The following SH3PXD2A variants were observed in gnomAD, a reference collection of about 807,000 sequenced individuals.
SH3PXD2A encodes SH3 and PX domain-containing protein 2A.
In SH3PXD2A, 32 loss-of-function variants were observed where a neutral mutation model predicts 115.2. The ratio of observed to expected loss-of-function variants is 0.28; its 90% CI spans 0.21 to 0.37. The LOEUF (loss-of-function observed/expected upper bound fraction) is 0.37, where lower values mean the gene tolerates loss of function less well. Among genes scored for constraint, SH3PXD2A ranks in the 10% least tolerant of loss-of-function variants. The pLI is 1.00. For synonymous variants in SH3PXD2A, 610 were observed against 629.1 expected (o/e 0.97, Z 0.45); for missense variants, 1,328 against 1,498.7 (o/e 0.89, Z 1.88).
rs1448293142 is a variant in SH3PXD2A at position 103,767,433 on chromosome 10, C to T, written c.154-264G>A. Among the ~76,000 whole-genome samples the T allele has an allele frequency of 4.6e-5, 7 of 152,270 alleles. No individual in the cohort carries two copies. The East Asian group carries it at 7.7e-4, about 17-fold the overall frequency. On this transcript the variant is annotated intron_variant, in intron 2 of 14. Coordinates refer to ENST00000369774, the MANE Select transcript of SH3PXD2A (RefSeq NM_001394015.1). ...AGGGGAAGGTGTCAGGAGATGACCC[C>T]GAGCAAGGCTGGGGTAGGGACCAGA...
rs575456787 is a variant in SH3PXD2A, at chr10:103,781,052, T to A, written c.154-13883A>T. On this transcript the variant is annotated intron_variant, in intron 2 of 14. Coordinates refer to ENST00000369774, the MANE Select transcript of SH3PXD2A (RefSeq NM_001394015.1). ...TCCACAGCTCCCTCCTCCCCATCACTCCTGCAGATCGGTCACACTTCTAGA... is the reference window on the plus strand; with the variant it reads ...TCCACAGCTCCCTCCTCCCCATCACACCTGCAGATCGGTCACACTTCTAGA... Among the ~76,000 whole-genome samples, 31 of 152,294 alleles carry A rather than the reference T, an allele frequency of 2.0e-4. No homozygotes were observed. In the South Asian group the frequency reaches 3.5e-3, roughly 17 times the overall value.
At chr10:103,609,507 G>A (rs1227408047) in intron 13 of SH3PXD2A, 1 of 152,260 alleles carries the variant, frequency 6.6e-6, no homozygotes, top group Non-Finnish European at 1.5e-5. Flanking sequence ...CAGCATCTAA[G>A]CATGACATTC....
chr10:103,704,391 G>C (rs2037957233), intron 5 of SH3PXD2A, among the ~76,000 whole-genome samples: 1 of 152,214 alleles, frequency 6.6e-6, no homozygotes, highest in South Asian at 2.1e-4. Flanking sequence ...GCAGGGTAAA[G>C]CCACTTTGCT....
intron 13 of SH3PXD2A, chr10:103,609,157 G>GA (rs767710953): frequency 0.026 from 2,449 of 94,946 alleles, 50 homozygotes; most frequent in African/African-American, 0.077. Context: ...CTCTGTCTCT[G>GA]AAAAAAAAAA....
chr10:103,783,998 C>G (rs2073340), intron 2 of SH3PXD2A, among the ~76,000 whole-genome samples: 108,391 of 152,168 alleles, frequency 0.71, 40,295 homozygotes, highest in South Asian at 0.85. Context: ...CAGGAAAAGT[C>G]CCCCCGCAAA....
chr10:103,650,216 G>A (rs1363361057), intron 8 of SH3PXD2A, among the ~76,000 whole-genome samples: 5 of 151,714 alleles, frequency 3.3e-5, no homozygotes, highest in Non-Finnish European at 7.4e-5. Flanking sequence ...GGAGAGCCCT[G>A]CTCCCCCTCC....
chr10:103,683,253 C>T (rs1189651357), intron 6 of SH3PXD2A, among the ~76,000 whole-genome samples: 1 of 152,128 alleles, frequency 6.6e-6, no homozygotes, highest in African/African-American at 2.4e-5. Context: ...TGGCTCACAC[C>T]TGTAATCCTA....
At chr10:103,814,194 G>C (rs991342035) in intron 1 of SH3PXD2A, among the ~76,000 whole-genome samples, 1 of 152,090 alleles carries the variant, frequency 6.6e-6, no homozygotes, top group Non-Finnish European at 1.5e-5. Context: ...AGCAAACAAG[G>C]AGACTCGAGT....
intron 1 of SH3PXD2A, among the ~76,000 whole-genome samples, chr10:103,818,581 G>A (rs572382100): frequency 6.6e-6 from 1 of 152,274 alleles, no homozygotes; most frequent in Admixed American, 6.5e-5. Context: ...CTGATGTGCA[G>A]GAAAAATTTC....
chr10:103,806,182 C>T (rs971024101), intron 1 of SH3PXD2A, among the ~76,000 whole-genome samples: 3 of 152,236 alleles, frequency 2.0e-5, no homozygotes, highest in Admixed American at 6.5e-5. Flanking sequence ...TCCCAAACTT[C>T]GGGGATTTGC....
chr10:103,739,997 G>C (rs1488778684), intron 3 of SH3PXD2A, among the ~76,000 whole-genome samples: 1 of 152,176 alleles, frequency 6.6e-6, no homozygotes, highest in Non-Finnish European at 1.5e-5. Flanking sequence ...GCTCATCGGA[G>C]GCCTGGGCTC....
In SH3PXD2A at chr10:103,602,233, G is replaced by A. The variant is rs145591733; in HGVS notation, c.2985C>T (p.Cys995=). 5.6e-6 allele frequency: 9 copies of A among 1,606,376 alleles called. No individual in the cohort carries two copies. The highest frequency in any genetic ancestry group is 2.2e-5 in the South Asian group (2 of 89,144). The part of the protein sequence containing the change: ...SPPPKDNNLS[C]ALRRNESLTA... ...TGAGTGACTCATTCCTCCGCAGGGCGCAGGACAGGTTGTTGTCCTTGGGTG... is the reference window on the plus strand; with the variant it reads ...TGAGTGACTCATTCCTCCGCAGGGCACAGGACAGGTTGTTGTCCTTGGGTG... The change falls in exon 15 of 15, where the codon TGC becomes TGT. Residue 995 remains cysteine (C), a synonymous_variant. Coordinates refer to ENST00000369774, the MANE Select transcript of SH3PXD2A (RefSeq NM_001394015.1).
intron 1 of SH3PXD2A, among the ~76,000 whole-genome samples, chr10:103,836,821 A>G (rs1384621691): frequency 1.3e-5 from 2 of 152,164 alleles, no homozygotes; most frequent in Non-Finnish European, 2.9e-5. Context: ...ATAATGTCCA[A>G]TGCTCTGCCA....
chr10:103,796,991 T>G (rs968471204), intron 2 of SH3PXD2A, among the ~76,000 whole-genome samples: 3 of 151,432 alleles, frequency 2.0e-5, no homozygotes, highest in African/African-American at 7.3e-5. Flanking sequence ...GCCTCCTGAG[T>G]AGCTGGAACT....
intron 5 of SH3PXD2A, among the ~76,000 whole-genome samples, 185 bp downstream of exon 5, chr10:103,724,085 T>A (rs1409672628): frequency 6.6e-6 from 1 of 151,980 alleles, no homozygotes; most frequent in African/African-American, 2.4e-5. Context: ...AAATGAAGAG[T>A]GGGCTCTGGC....
At chr10:103,719,299 T>C (rs560025190) in intron 5 of SH3PXD2A, among the ~76,000 whole-genome samples, 6 of 152,242 alleles carry the variant, frequency 3.9e-5, no homozygotes, top group Admixed American at 2.6e-4. Flanking sequence ...AGCTGAGTGA[T>C]GGGTTGGGTC....
chr10:103,608,967 C>G (rs1295843955), intron 13 of SH3PXD2A: 1 of 152,000 alleles, frequency 6.6e-6, no homozygotes, highest in Non-Finnish European at 1.5e-5. Flanking sequence ...TAGTGAGACC[C>G]CATTTCTACC....
At chr10:103,785,733 G>T (rs1222783143) in intron 2 of SH3PXD2A, among the ~76,000 whole-genome samples, 1 of 152,006 alleles carries the variant, frequency 6.6e-6, no homozygotes, top group Non-Finnish European at 1.5e-5. Context: ...TTCCTCCCCT[G>T]CAAGGGCTTC....
rs765769948 is a variant in SH3PXD2A, at chr10:103,603,230, G to C, written c.1988C>G (p.Pro663Arg). 1.2e-6 allele frequency: 2 copies of C among 1,613,718 alleles called. No individual in the cohort carries two copies. The highest frequency in any genetic ancestry group is 1.7e-6 in the Non-Finnish European group (2 of 1,179,760). Reference sequence around the variant, plus strand: ...GAGCTTTAGGAGTGATGATGACTTGGGGGAGCCTGATTTGGGGGAGTTTTT... The same window carrying C: ...GAGCTTTAGGAGTGATGATGACTTGCGGGAGCCTGATTTGGGGGAGTTTTT... ...TRKNSPKSGS[P>R]KSSSLLKLKA... Residue 663 changes from proline to arginine, a missense_variant, in exon 15 of 15, where the codon CCC (proline) becomes CGC (arginine). Around this residue, in one of 5 missense-constraint regions of SH3PXD2A, gnomAD observed 574 missense variants for 565.7 expected, o/e 1.01. Transcript: ENST00000369774.
Sources: allele counts gnomAD v4.1 joint callset (sites outside exome capture counted in the v4.1 genomes callset), GRCh38; gene constraint gnomAD v4.1.1; regional missense constraint gnomAD v4.1.1; transcripts MANE v1.5; gene names NCBI Gene and HGNC (gene_info 2026-07-23, HGNC 2026-07-21).